Variants in WDR88 observed in about 807,000 individuals in gnomAD.
WDR88 encodes WD repeat domain 88.
A neutral mutation model predicts 46.8 loss-of-function variants in WDR88; 40 were observed. The observed-to-expected ratio is 0.86, with a 90% CI of 0.66 to 1.11. The LOEUF is 1.11. WDR88 is among the 50% of genes most tolerant of loss of function. WDR88 has a pLI of 0.00. For synonymous variants in WDR88, 235 were observed against 240.7 expected, an observed-to-expected ratio of 0.98 and a Z score of 0.22; for missense variants, 562 against 602.4, an observed-to-expected ratio of 0.93 and a Z score of 0.70.
intron 2 of WDR88, among the ~76,000 whole-genome samples, chr19:33,141,294 G>A (rs35525808): frequency 0.12 from 18,092 of 145,472 alleles, 1,249 homozygotes; most frequent in South Asian, 0.21. Context: ...CAGTGGTGCA[G>A]TTATGGCTCA....
At chr19:33,149,329 C>CAAACAAACAAACAAA (rs1464885550) in intron 5 of WDR88, among the ~76,000 whole-genome samples, 1 of 150,526 alleles carries the variant, frequency 6.6e-6, no homozygotes, top group Non-Finnish European at 1.5e-5. Context: ...CTCAAAAAAA[C>CAAACAAACAAACAAA]AAACAAACAA....
chr19:33,163,687 G>C (rs1333625190), intron 8 of WDR88, among the ~76,000 whole-genome samples: 6 of 149,486 alleles, frequency 4.0e-5, no homozygotes, highest in African/African-American at 1.5e-4. Context: ...GCCCAGGCTG[G>C]AGTGCATGAT....
At chr19:33,173,953 C>T (rs1045049795) in intron 10 of WDR88, among the ~76,000 whole-genome samples, 3 of 152,138 alleles carry the variant, frequency 2.0e-5, no homozygotes, top group Admixed American at 6.5e-5. Context: ...CGGGTTCAAG[C>T]GATTCTCCTG....
At chr19:33,173,846 TTTTTTC>T (rs1974080463) in intron 10 of WDR88, among the ~76,000 whole-genome samples, 1 of 152,202 alleles carries the variant, frequency 6.6e-6, no homozygotes, top group South Asian at 2.1e-4. Flanking sequence ...TCAAATTTCC[TTTTTTC>T]TTTTTATTTC....
Position 33,132,508 on chromosome 19 carries a change from G to C in WDR88, c.276+63G>C, listed in dbSNP as rs1973149935. 3.8e-6 allele frequency: 6 copies of C among 1,581,164 alleles called. No individual in the cohort carries two copies. In the East Asian group the frequency reaches 1.4e-4, roughly 36 times the overall value. On this transcript the variant is annotated intron_variant, in intron 1 of 10. Transcript: ENST00000355868. ...TTCCCCACACGGGAGGAAGGCGCTC[G>C]AGCTGTCGGGGGACCCATGGAAAAC... is the stretch of plus-strand genomic sequence containing the variant.
intron 5 of WDR88, among the ~76,000 whole-genome samples, chr19:33,149,812 A>G (rs1436739553): frequency 6.6e-6 from 1 of 151,838 alleles, no homozygotes; most frequent in African/African-American, 2.4e-5. Context: ...GGCACCCACC[A>G]CCACGCCCAG....
Position 33,132,316 on chromosome 19 carries a change from C to G in WDR88, c.147C>G (p.Ile49Met). ...ARALGRFKLSIPHTHLLATLD... is the reference protein window; with the variant it reads ...ARALGRFKLSMPHTHLLATLD... ...CCTTAGGCCGCTTCAAGCTGTCGAT[C>G]CCGCACACGCACCTGCTGGCCACCC... is the stretch of plus-strand genomic sequence containing the variant. Residue 49 changes from isoleucine to methionine, a missense_variant, in exon 1 of 11, where the codon ATC becomes ATG. Physicochemically the swap from Ile to Met is conservative, Grantham distance 10. Coordinates refer to ENST00000355868, the MANE Select transcript of WDR88 (RefSeq NM_173479.4). The G allele has an allele frequency of 1.2e-6, 2 of 1,614,058 alleles. No individual in the cohort carries two copies. The highest frequency in any genetic ancestry group is 1.1e-5 in the South Asian group (1 of 91,086).
chr19:33,175,789 C>A lies in WDR88; in HGVS notation c.*217C>A. The A allele has an allele frequency of 1.8e-6, 1 of 560,618 alleles. No homozygotes were observed. Among genetic ancestry groups the A allele is most frequent in the South Asian group, 2.3e-5 (1 of 44,326 alleles). 34.7% of individuals were successfully genotyped at this position (560,618 alleles called of 1,614,324 possible). ...GTTTTCATGCAGAATAAATCTAATT[C>A]CTTTGGAAAACAAGCGTGCATGTGC... On this transcript the variant is annotated 3_prime_UTR_variant, in exon 11 of 11. Coordinates refer to ENST00000355868, the MANE Select transcript of WDR88 (RefSeq NM_173479.4).
At position 33,160,424 on chromosome 19, in the gene WDR88, C is replaced by T; in HGVS notation, c.1008C>T (p.Leu336=). 6.2e-7 allele frequency: 1 copy of T among 1,614,128 alleles called. No homozygotes were observed. The highest frequency in any genetic ancestry group is 8.5e-7 in the Non-Finnish European group (1 of 1,180,040). ...CATTTTCTGTTGCAGGCTCTTTTCT[C>T]ATTTCTGGAGGGTTTGATAGGACTG... ...SCHFARDSSF[L]ISGGFDRTVA... The change falls in exon 8 of 11, where the codon CTC becomes CTT. Residue 336 remains leucine, a synonymous_variant. Coordinates refer to ENST00000355868, the MANE Select transcript of WDR88 (RefSeq NM_173479.4).
intron 2 of WDR88, among the ~76,000 whole-genome samples, chr19:33,141,230 T>TTTTTTTTG (rs1973386852): frequency 7.6e-6 from 1 of 130,798 alleles, no homozygotes; most frequent in Admixed American, 7.9e-5. Flanking sequence ...GGAGCATGTT[T>TTTTTTTTG]TTTTTTTTTT....
chr19:33,164,393 C>T (rs770527871), intron 9 of WDR88, 128 bp downstream of exon 9: 71 of 807,816 alleles, frequency 8.8e-5, no homozygotes, highest in Non-Finnish European at 1.4e-4. Flanking sequence ...ATCGTGTTCA[C>T]GGAGCTGCCT....
chr19:33,142,859 A>G (rs977429103), intron 2 of WDR88: 1 of 146,108 alleles, frequency 6.8e-6, no homozygotes, highest in Admixed American at 6.9e-5. Flanking sequence ...TACAAAAAAA[A>G]AAAAAAAAAA....
intron 7 of WDR88, among the ~76,000 whole-genome samples, chr19:33,159,395 T>C (rs1973824806): frequency 6.6e-6 from 1 of 151,600 alleles, no homozygotes; most frequent in Non-Finnish European, 1.5e-5. Context: ...ACAAATAAAA[T>C]GATCCCTAAC....
intron 7 of WDR88, among the ~76,000 whole-genome samples, chr19:33,158,239 G>C (rs1206597900): frequency 3.3e-5 from 5 of 152,068 alleles, no homozygotes; most frequent in African/African-American, 4.8e-5. Flanking sequence ...CCTGGCTTGA[G>C]AAGCACTAGG....
chr19:33,154,843 C>T (rs8107047), intron 6 of WDR88, among the ~76,000 whole-genome samples: 45,881 of 151,996 alleles, frequency 0.3, 7,560 homozygotes, highest in South Asian at 0.58. Context: ...CCCGGATGGC[C>T]CTGCGAAGTT....
At chr19:33,158,492 T>C (rs1973804978) in intron 7 of WDR88, among the ~76,000 whole-genome samples, 1 of 152,182 alleles carries the variant, frequency 6.6e-6, no homozygotes, top group Admixed American at 6.5e-5. Context: ...TTCCTGATTC[T>C]GTATTTGTGA....
At chr19:33,164,441 G>A (rs1306568252) in intron 9 of WDR88, among the ~76,000 whole-genome samples, 176 bp downstream of exon 9, 2 of 152,246 alleles carry the variant, frequency 1.3e-5, no homozygotes, top group Non-Finnish European at 2.9e-5. Flanking sequence ...GCGCAAACGC[G>A]ATGAGTTTGG....
rs1974103484 is a variant in WDR88 at position 33,175,267 on chromosome 19, AAAAG to A, written c.1243-127_1243-124del. On this transcript the variant is annotated intron_variant, in intron 10 of 10. Transcript: ENST00000355868. Reference sequence around the variant, plus strand: ...AAAACAAAAACAAACAAACAAACCAAAAAGAGATTCCAGAGAGGGGAACCCTTGC... The same window carrying A: ...AAAACAAAAACAAACAAACAAACCAAAGATTCCAGAGAGGGGAACCCTTGC... 2.8e-6 allele frequency: 3 copies of A among 1,055,124 alleles called. No individual in the cohort carries two copies. In the African/African-American group the frequency reaches 4.9e-5, roughly 17 times the overall value. The allele number at this position is 1,055,124 out of a possible 1,614,324, so 65.4% of individuals were successfully genotyped here.
chr19:33,153,463 A>C (rs1451389571), intron 6 of WDR88, among the ~76,000 whole-genome samples: 1 of 152,028 alleles, frequency 6.6e-6, no homozygotes, highest in Admixed American at 6.6e-5. Flanking sequence ...CTTGCTTATT[A>C]ATTTTGCACT....
Sources: allele counts gnomAD v4.1 joint callset (sites outside exome capture counted in the v4.1 genomes callset), GRCh38; gene constraint gnomAD v4.1.1; transcripts MANE v1.5; gene names NCBI Gene and HGNC (gene_info 2026-07-23, HGNC 2026-07-21).